Variants in TPRG1 observed in about 807,000 individuals in gnomAD.
TPRG1 encodes tumor protein p63-regulated gene 1 protein.
TPRG1 carries 29 observed loss-of-function variants against 29.3 expected under a neutral mutation model. That is an observed-to-expected ratio of 0.99 (90% CI 0.74 to 1.35). TPRG1 has a LOEUF of 1.35. TPRG1 is among the 40% of genes most tolerant of loss of function. TPRG1 has a pLI of 0.00. For missense variants in TPRG1, 327 were observed against 335.0 expected (o/e 0.98, Z 0.19); for synonymous variants, 130 against 116.8 (o/e 1.11, Z -0.73).
chr3:189,038,785 A>G (rs1456418333), intron 4 of TPRG1, among the ~76,000 whole-genome samples: 3 of 77,190 alleles, frequency 3.9e-5, no homozygotes, highest in Admixed American at 1.8e-4. Flanking sequence ...AAGAAAAGAG[A>G]GTAATTGGCA....
intron 4 of TPRG1, among the ~76,000 whole-genome samples, chr3:189,024,158 G>A (rs1713529154): frequency 6.6e-6 from 1 of 152,244 alleles, no homozygotes; most frequent in Non-Finnish European, 1.5e-5. Flanking sequence ...ATCCCAGGGA[G>A]AAATTAGAAC....
chr3:189,310,954 C>A (rs1480027887), intron 5 of TPRG1, among the ~76,000 whole-genome samples: 2 of 152,094 alleles, frequency 1.3e-5, no homozygotes, highest in African/African-American at 4.8e-5. Flanking sequence ...AGTCTCACGT[C>A]TAAAATGAAG....
At chr3:189,301,828 C>T (rs1720888366) in intron 4 of TPRG1, among the ~76,000 whole-genome samples, 1 of 152,134 alleles carries the variant, frequency 6.6e-6, no homozygotes, top group Admixed American at 6.6e-5. Flanking sequence ...GTTAATTAAA[C>T]CACACCCTAC....
intron 1 of TPRG1, among the ~76,000 whole-genome samples, chr3:189,179,176 G>A (rs963037907): frequency 6.6e-6 from 1 of 152,282 alleles, no homozygotes; most frequent in Non-Finnish European, 1.5e-5. Flanking sequence ...TGAAGGTCAT[G>A]CACAGTTAAG....
At chr3:189,031,523 C>A (rs932758711) in intron 4 of TPRG1, among the ~76,000 whole-genome samples, 1 of 152,182 alleles carries the variant, frequency 6.6e-6, no homozygotes, top group African/African-American at 2.4e-5. Flanking sequence ...TCTTCAGTGT[C>A]TTCCTCTTTG....
intron 5 of TPRG1, among the ~76,000 whole-genome samples, chr3:189,154,093 A>G (rs1242472272): frequency 1.3e-5 from 2 of 152,152 alleles, no homozygotes; most frequent in Non-Finnish European, 2.9e-5. Context: ...TGGAGAGAGG[A>G]TGAGGCAGCT....
rs9840470 is a variant in TPRG1, at chr3:188,997,497, C to G, written c.-1015-3277C>G. On this transcript the variant is annotated intron_variant, in intron 1 of 10. Coordinates refer to the TPRG1 transcript ENST00000433971. The stretch of plus-strand genomic sequence containing the variant: ...GTTTTTCTTATGAAGTACAGTGTAA[C>G]GTTTTGATCTTCTAGAGTGATCAGT... 2.3e-3 allele frequency among the ~76,000 whole-genome samples: 343 copies of G among 152,202 alleles called. 2 individuals carry two copies. Among genetic ancestry groups the G allele is most frequent in the African/African-American group, 7.9e-3 (330 of 41,538 alleles).
chr3:189,106,620 T>C (rs1719855631), intron 1 of TPRG1, among the ~76,000 whole-genome samples: 1 of 152,206 alleles, frequency 6.6e-6, no homozygotes, highest in Non-Finnish European at 1.5e-5. Context: ...TTGTGTTGGT[T>C]GTTCACATAA....
At chr3:189,051,176 C>T (rs1369443251) in intron 4 of TPRG1, among the ~76,000 whole-genome samples, 2 of 152,096 alleles carry the variant, frequency 1.3e-5, no homozygotes, top group East Asian at 1.9e-4. Flanking sequence ...TATCATTTAC[C>T]TTGAAAACCC....
At chr3:189,112,236 TGA>T (rs2152209233) in intron 1 of TPRG1, among the ~76,000 whole-genome samples, 1 of 152,312 alleles carries the variant, frequency 6.6e-6, no homozygotes, top group African/African-American at 2.4e-5. Flanking sequence ...TCTATGTTTG[TGA>T]GAGATATTGG....
intron 1 of TPRG1, among the ~76,000 whole-genome samples, chr3:189,114,961 T>G (rs1720997435): frequency 6.6e-6 from 1 of 152,168 alleles, no homozygotes; most frequent in African/African-American, 2.4e-5. Flanking sequence ...CTGTATCTCT[T>G]TTAGAATATA....
chr3:189,000,605 A>G (rs946364404), intron 1 of TPRG1, among the ~76,000 whole-genome samples: 1 of 152,058 alleles, frequency 6.6e-6, no homozygotes, highest in African/African-American at 2.4e-5. Context: ...AAATTATTAC[A>G]TGTGTGTGGC....
intron 4 of TPRG1, among the ~76,000 whole-genome samples, chr3:189,290,196 TTCTA>T (rs745424990): frequency 2.0e-4 from 31 of 152,342 alleles, no homozygotes; most frequent in South Asian, 1.2e-3. Context: ...TACTTTTCTA[TTCTA>T]TCTATTTCTA....
intron 5 of TPRG1, among the ~76,000 whole-genome samples, chr3:189,155,437 GT>G (rs1361877954): frequency 6.6e-6 from 1 of 152,062 alleles, no homozygotes; most frequent in Non-Finnish European, 1.5e-5. Context: ...TGCAGATGTG[GT>G]TAGAGATCTT....
chr3:189,027,339 T>C (rs544642155), intron 4 of TPRG1, among the ~76,000 whole-genome samples: 1 of 152,308 alleles, frequency 6.6e-6, no homozygotes, highest in South Asian at 2.1e-4. Flanking sequence ...AAGCAATCAA[T>C]AAATCCTTTG....
At chr3:189,164,828 C>T (rs181782925) in intron 5 of TPRG1, among the ~76,000 whole-genome samples, 19 of 152,210 alleles carry the variant, frequency 1.2e-4, no homozygotes, top group African/African-American at 4.3e-4. Context: ...GGCAGGTTCC[C>T]TCCACAGCTC....
intron 4 of TPRG1, among the ~76,000 whole-genome samples, chr3:189,081,811 G>T (rs1325160476): frequency 6.6e-6 from 1 of 152,058 alleles, no homozygotes; most frequent in Non-Finnish European, 1.5e-5. Flanking sequence ...TACCTCTATG[G>T]TGTTGCATAT....
Position 189,323,451 on chromosome 3 carries a change from A to C in TPRG1, c.*2631A>C, listed in dbSNP as rs1724483091. ...TGTGAGGATTCAATGAAATGAGGTTAAATTCTTTTATTAAACAGAAAGTTT... is the reference window on the plus strand; with the variant it reads ...TGTGAGGATTCAATGAAATGAGGTTCAATTCTTTTATTAAACAGAAAGTTT... On this transcript the variant is annotated 3_prime_UTR_variant, in exon 6 of 6. Transcript: ENST00000345063. 1 of 152,158 alleles carries C rather than the reference A, an allele frequency of 6.6e-6. No individual in the cohort carries two copies. The highest frequency in any genetic ancestry group is 2.4e-5 in the African/African-American group (1 of 41,450). 9.4% of individuals were successfully genotyped at this position (152,158 alleles called of 1,614,324 possible). A position where few individuals can be genotyped will look rare whatever the true frequency, so the allele number is the denominator to read the frequency against.
chr3:189,312,593 G>T (rs2109329565), intron 5 of TPRG1, among the ~76,000 whole-genome samples: 1 of 152,192 alleles, frequency 6.6e-6, no homozygotes, highest in African/African-American at 2.4e-5. Context: ...TTCCCTGAAT[G>T]CCCTTTGCAG....
Sources: gnomAD v4.1 joint callset for allele counts (sites outside exome capture counted in the v4.1 genomes callset) on GRCh38, gnomAD v4.1.1 for gene constraint, MANE v1.5 for transcripts, NCBI Gene and HGNC (gene_info 2026-07-23, HGNC 2026-07-21) for gene names.